PXDNL: variants seen among roughly 807,000 people sequenced by gnomAD.
PXDNL encodes the protein probable oxidoreductase PXDNL.
Under a neutral mutation model 150.8 loss-of-function variants are expected in PXDNL, and 145 were observed. The observed-to-expected ratio is 0.96, with a 90% CI of 0.84 to 1.10. PXDNL has a LOEUF of 1.10. PXDNL is among the 50% of genes least tolerant of loss of function. PXDNL has a pLI of 0.00. For synonymous variants in PXDNL, 757 were observed against 725.7 expected, an observed-to-expected ratio of 1.04 and a Z score of -0.69; for missense variants, 2,087 against 1,873.9, an observed-to-expected ratio of 1.11 and a Z score of -2.10.
At chr8:51,478,590 G>A (rs1810532317) in intron 6 of PXDNL, among the ~76,000 whole-genome samples, 1 of 152,152 alleles carries the variant, frequency 6.6e-6, no homozygotes, top group Non-Finnish European at 1.5e-5. Flanking sequence ...AAATGGCATG[G>A]TACAGATGGA....
intron 18 of PXDNL, among the ~76,000 whole-genome samples, chr8:51,372,317 GA>G (rs1159597628): frequency 6.6e-6 from 1 of 152,146 alleles, no homozygotes; most frequent in African/African-American, 2.4e-5. Context: ...TGATTCAAAG[GA>G]AAGTTTTCTA....
intron 1 of PXDNL, among the ~76,000 whole-genome samples, chr8:51,696,703 C>CA (rs1816139484): frequency 5.7e-4 from 2 of 3,484 alleles, no homozygotes; most frequent in African/African-American, 1.2e-3. Context: ...CCACACACAT[C>CA]CACACACAGG....
intron 21 of PXDNL, among the ~76,000 whole-genome samples, chr8:51,322,890 T>G (rs1349809954): frequency 6.6e-6 from 1 of 152,214 alleles, no homozygotes; most frequent in East Asian, 1.9e-4. Flanking sequence ...AATAGATATA[T>G]TCAGTACCTG....
chr8:51,359,154 T>TAA (rs10637777), intron 19 of PXDNL, among the ~76,000 whole-genome samples: 1,673 of 151,936 alleles, frequency 0.011, 27 homozygotes, highest in African/African-American at 0.036. Flanking sequence ...TGAGCCAAGA[T>TAA]AAAAAAAGTC....
At chr8:51,628,699 G>A (rs923544314) in intron 2 of PXDNL, among the ~76,000 whole-genome samples, 9 of 151,750 alleles carry the variant, frequency 5.9e-5, no homozygotes, top group Non-Finnish European at 1.2e-4. Context: ...CACCACACCC[G>A]GCCTCTGTTT....
At chr8:51,782,396 C>T (rs2037423850) in intron 1 of PXDNL, among the ~76,000 whole-genome samples, 2 of 152,158 alleles carry the variant, frequency 1.3e-5, no homozygotes, top group South Asian at 4.2e-4. Context: ...CCTTAAATAT[C>T]AGGATAAATG....
At chr8:51,799,508 G>A (rs774367112) in intron 1 of PXDNL, among the ~76,000 whole-genome samples, 6 of 152,170 alleles carry the variant, frequency 3.9e-5, no homozygotes, top group Admixed American at 2.0e-4. Flanking sequence ...ATTGATTGTT[G>A]TCTTGGGCTG....
At chr8:51,559,503 A>G (rs1025548494) in intron 3 of PXDNL, among the ~76,000 whole-genome samples, 5 of 151,960 alleles carry the variant, frequency 3.3e-5, no homozygotes, top group African/African-American at 2.4e-5. Context: ...AAGAAGAAAA[A>G]CACATCACCC....
intron 1 of PXDNL, among the ~76,000 whole-genome samples, chr8:51,709,838 TAAAC>T (rs1375458372): frequency 6.6e-6 from 1 of 152,184 alleles, no homozygotes; most frequent in African/African-American, 2.4e-5. Context: ...AGAATATCAT[TAAAC>T]AAAATTGATT....
chr8:51,556,899 C>A lies in PXDNL; in HGVS notation c.321G>T (p.Lys107Asn), dbSNP rs1176053566. 1.3e-6 allele frequency: 2 copies of A among 1,561,080 alleles called. No individual in the cohort carries two copies. Among genetic ancestry groups the A allele is most frequent in the African/African-American group, 2.7e-5 (2 of 73,638 alleles). Residue 107 changes from lysine (K) to asparagine (N), a missense_variant, in exon 4 of 23, where the codon AAG becomes AAT. Coordinates refer to ENST00000356297, the MANE Select transcript of PXDNL (RefSeq NM_144651.5). ...GCTTATCTAGTGCATGGATTTCATT[C>A]TTATACAGGTACCTGGAAAATATAT... ...LENLLYLYLY[K>N]NEIHALDKQT...
intron 14 of PXDNL, among the ~76,000 whole-genome samples, chr8:51,422,090 G>A (rs1427222109): frequency 6.6e-6 from 1 of 151,936 alleles, no homozygotes; most frequent in African/African-American, 2.4e-5. Context: ...GAGGGATCTA[G>A]GTTGTGCACT....
At position 51,413,264 on chromosome 8, in the gene PXDNL, A is replaced by G. The variant is rs374183771; in HGVS notation, c.1796-6T>C. ...AGCTTGTCTACCCTGTATAGCTTTG[A>G]AAATCAATTCCATGATTAAAAATAT... On this transcript the variant is annotated splice_polypyrimidine_tract_variant and splice_region_variant and intron_variant, in intron 14 of 22. Coordinates refer to ENST00000356297, the MANE Select transcript of PXDNL (RefSeq NM_144651.5). The G allele has an allele frequency of 6.5e-6, 10 of 1,547,848 alleles. No homozygotes were observed. The African/African-American group carries it at 1.4e-4, about 21-fold the overall frequency.
intron 14 of PXDNL, 96 bp downstream of exon 14, chr8:51,423,479 G>T: frequency 1.0e-6 from 1 of 967,954 alleles, no homozygotes. Context: ...GAAAGTATAA[G>T]AGAGCATGAT....
At chr8:51,668,726 A>G (rs1312068134) in intron 1 of PXDNL, among the ~76,000 whole-genome samples, 1 of 152,206 alleles carries the variant, frequency 6.6e-6, no homozygotes, top group Non-Finnish European at 1.5e-5. Context: ...AAAAATTCCA[A>G]TAGTATATTA....
chr8:51,679,083 A>T (rs1485162068), intron 1 of PXDNL, among the ~76,000 whole-genome samples: 1 of 152,222 alleles, frequency 6.6e-6, no homozygotes, highest in African/African-American at 2.4e-5. Flanking sequence ...AATCAGGTGG[A>T]TGCAGTCCTA....
At chr8:51,701,666 A>T (rs924646696) in intron 1 of PXDNL, among the ~76,000 whole-genome samples, 2 of 152,206 alleles carry the variant, frequency 1.3e-5, no homozygotes, top group East Asian at 3.8e-4. Flanking sequence ...ATTGATTTAC[A>T]TTAGTGAGAA....
In PXDNL at chr8:51,499,770, C is replaced by T. The variant is rs746902104; in HGVS notation, c.381G>A (p.Leu127=). Residue 127 remains leucine, a splice_region_variant and synonymous_variant, in exon 5 of 23, where the codon CTG becomes CTA. Transcript: ENST00000356297. ...TTTCTAGTTGGTTGAAATGAATATA[C>T]CTGGAAGGCAAAAAATCAAGTTGGT... ...TFKGLISLEH[L]YIHFNQLEML... 1.9e-5 allele frequency: 31 copies of T among 1,609,260 alleles called. No individual in the cohort carries two copies. Among genetic ancestry groups the T allele is most frequent in the Non-Finnish European group, 2.4e-5 (28 of 1,176,602 alleles).
chr8:51,576,735 T>TA (rs1813063193), intron 3 of PXDNL, among the ~76,000 whole-genome samples: 1 of 151,576 alleles, frequency 6.6e-6, no homozygotes, highest in Admixed American at 6.6e-5. Context: ...CTGATTATTT[T>TA]AAAAAATTAA....
chr8:51,340,269 TA>T (rs1341084642), intron 20 of PXDNL: 1 of 152,200 alleles, frequency 6.6e-6, no homozygotes, highest in Non-Finnish European at 1.5e-5. Flanking sequence ...GTCTTGTTGA[TA>T]ATAAAAGGAT....
Sources: gnomAD v4.1 joint callset for allele counts (sites outside exome capture counted in the v4.1 genomes callset) on GRCh38, gnomAD v4.1.1 for gene constraint, MANE v1.5 for transcripts, NCBI Gene and HGNC (gene_info 2026-07-23, HGNC 2026-07-21) for gene names.